The following KCND2 variants were observed in gnomAD, a reference collection of about 807,000 sequenced individuals.
KCND2 encodes the protein potassium voltage-gated channel subfamily D member 2, also known as A-type voltage-gated potassium channel KCND2.
KCND2 carries 16 observed loss-of-function variants against 54.4 expected under a neutral mutation model. The ratio of observed to expected loss-of-function variants is 0.29; its 90% confidence interval spans 0.20 to 0.45. KCND2 has a LOEUF of 0.45. Among genes scored for constraint, KCND2 ranks in the 20% least tolerant of loss-of-function variants. The pLI is 1.00. For missense variants in KCND2, 486 were observed against 824.2 expected (o/e 0.59, Z 5.02); for synonymous variants, 317 against 310.7 (o/e 1.02, Z -0.21).
At chr7:120,512,121 G>A (rs1261277130) in intron 1 of KCND2, among the ~76,000 whole-genome samples, 2 of 151,992 alleles carry the variant, frequency 1.3e-5, no homozygotes, top group East Asian at 3.9e-4. Context: ...CAATCCCATG[G>A]TTCAGTTCAC....
At chr7:120,591,483 A>G (rs1333968836) in intron 1 of KCND2, among the ~76,000 whole-genome samples, 1 of 152,198 alleles carries the variant, frequency 6.6e-6, no homozygotes, top group East Asian at 1.9e-4. Flanking sequence ...ACCTCACAAG[A>G]CTGTGTTAGG....
chr7:120,450,916 T>C (rs1196559475), intron 1 of KCND2, among the ~76,000 whole-genome samples: 2 of 152,224 alleles, frequency 1.3e-5, no homozygotes, highest in Non-Finnish European at 2.9e-5. Context: ...TTAAGGAACC[T>C]GATGTCCAAT....
upstream of KCND2, among the ~76,000 whole-genome samples, chr7:120,273,126 G>C (rs910790956): frequency 6.6e-6 from 1 of 152,186 alleles, no homozygotes; most frequent in African/African-American, 2.4e-5. Flanking sequence ...GCCCGAGGGG[G>C]CGGGGGCGGA....
rs367713278 is a variant in KCND2, at chr7:120,745,910, G to A, written c.1598G>A (p.Arg533Gln). Reference protein sequence around the residue: ...QGVTSTCCSRRHKKTFRIPNA... With the variant: ...QGVTSTCCSRQHKKTFRIPNA... ...GTCACCAGCACCTGCTGTTCACGAC[G>A]ACACAAAAAAACTTTTCGCATCCCA... Residue 533 changes from arginine to glutamine, a missense_variant, in exon 5 of 6, where the codon CGA becomes CAA. Arg to Gln is a conservative substitution (Grantham distance 43). Transcript: ENST00000331113. 70 of 1,613,784 alleles carry A rather than the reference G, an allele frequency of 4.3e-5. No individual in the cohort carries two copies. The African/African-American group carries it at 7.9e-4, about 18-fold the overall frequency.
chr7:120,742,159 A>G (rs1015661332), intron 3 of KCND2, among the ~76,000 whole-genome samples: 1 of 152,150 alleles, frequency 6.6e-6, no homozygotes, highest in Non-Finnish European at 1.5e-5. Flanking sequence ...AATAGCTTTT[A>G]TTTACGTGCA....
chr7:120,319,517 G>T (rs1274473713), intron 1 of KCND2, among the ~76,000 whole-genome samples: 1 of 152,008 alleles, frequency 6.6e-6, no homozygotes, highest in Non-Finnish European at 1.5e-5. Context: ...AAAGGAAGGA[G>T]AATTGGATAC....
At chr7:120,608,157 C>T (rs1792907380) in intron 1 of KCND2, among the ~76,000 whole-genome samples, 1 of 151,676 alleles carries the variant, frequency 6.6e-6, no homozygotes, top group Non-Finnish European at 1.5e-5. Context: ...TGTAATCCAA[C>T]AACAGGATAA....
At chr7:120,432,455 G>T (rs1263489063) in intron 1 of KCND2, among the ~76,000 whole-genome samples, 2 of 151,734 alleles carry the variant, frequency 1.3e-5, no homozygotes. Flanking sequence ...GGTAAAACAG[G>T]ATACTTATTC....
chr7:120,555,194 C>G (rs760777186), intron 1 of KCND2, among the ~76,000 whole-genome samples: 2 of 152,150 alleles, frequency 1.3e-5, no homozygotes, highest in Non-Finnish European at 2.9e-5. Context: ...CCTACTACAC[C>G]TAGATTAATT....
chr7:120,588,442 T>TGTGTGTGTGTG (rs1792628393), intron 1 of KCND2, among the ~76,000 whole-genome samples: 2 of 151,076 alleles, frequency 1.3e-5, no homozygotes, highest in African/African-American at 2.4e-5. Context: ...TGTGTGTGTG[T>TGTGTGTGTGTG]TTCCTTGAGT....
intron 1 of KCND2, among the ~76,000 whole-genome samples, chr7:120,535,832 A>G (rs552727404): frequency 2.6e-5 from 4 of 152,288 alleles, no homozygotes; most frequent in South Asian, 2.1e-4. Flanking sequence ...CCAGCTGGAG[A>G]TAGGCCATGA....
chr7:120,511,868 G>A (rs1022987903), intron 1 of KCND2, among the ~76,000 whole-genome samples: 7 of 152,026 alleles, frequency 4.6e-5, no homozygotes, highest in South Asian at 4.1e-4. Context: ...CTCACAAAAC[G>A]GAATTTCAGC....
intron 1 of KCND2, among the ~76,000 whole-genome samples, chr7:120,291,027 T>C (rs1799428371): frequency 6.6e-6 from 1 of 152,018 alleles, no homozygotes; most frequent in Non-Finnish European, 1.5e-5. Flanking sequence ...CAGTTGTCAC[T>C]TTTTGAATCT....
chr7:120,600,537 C>T (rs6951226), intron 1 of KCND2, among the ~76,000 whole-genome samples: 140,742 of 151,984 alleles, frequency 0.93, 65,751 homozygotes, highest in Middle Eastern at 0.99. Context: ...TAACTTTTAA[C>T]TTCAGTTAAT....
intron 4 of KCND2, among the ~76,000 whole-genome samples, chr7:120,744,524 T>G (rs1792981398): frequency 6.6e-6 from 1 of 152,114 alleles, no homozygotes; most frequent in Admixed American, 6.6e-5. Context: ...TTGTGAATCT[T>G]TTGTGCACCA....
At chr7:120,685,204 C>T (rs1456761951) in intron 1 of KCND2, among the ~76,000 whole-genome samples, 2 of 152,158 alleles carry the variant, frequency 1.3e-5, no homozygotes, top group Non-Finnish European at 2.9e-5. Flanking sequence ...AAACTCTGTA[C>T]ATGCCTAAAA....
intron 1 of KCND2, among the ~76,000 whole-genome samples, chr7:120,478,112 A>T (rs1382863807): frequency 6.6e-6 from 1 of 152,168 alleles, no homozygotes; most frequent in African/African-American, 2.4e-5. Flanking sequence ...ATTTGGAGTA[A>T]TTTGGAGCAA....
chr7:120,509,652 T>C (rs1448323238), intron 1 of KCND2, among the ~76,000 whole-genome samples: 2 of 152,032 alleles, frequency 1.3e-5, no homozygotes, highest in African/African-American at 4.8e-5. Flanking sequence ...ATTTTATTTG[T>C]ACATGGAATA....
chr7:120,503,210 A>AT (rs763565637), intron 1 of KCND2, among the ~76,000 whole-genome samples: 2 of 152,050 alleles, frequency 1.3e-5, no homozygotes, highest in East Asian at 1.9e-4. Flanking sequence ...GGAAGTTCAT[A>AT]TGTTGGAAGC....
Sources: allele counts gnomAD v4.1 joint callset (sites outside exome capture counted in the v4.1 genomes callset), GRCh38; gene constraint gnomAD v4.1.1; transcripts MANE v1.5; gene names NCBI Gene and HGNC (gene_info 2026-07-23, HGNC 2026-07-21).